B4GALT6: variants seen among roughly 807,000 people sequenced by gnomAD.
B4GALT6 encodes UDP-Gal:beta-GlcNAc beta-1,4-galactosyltransferase 6.
In B4GALT6, 14 loss-of-function variants were observed where a neutral mutation model predicts 46.3. The ratio of observed to expected loss-of-function variants is 0.30; its 90% confidence interval spans 0.20 to 0.47. The LOEUF is 0.47. Ranked by LOEUF, B4GALT6 falls within the 20% of genes least tolerant of loss-of-function variation. The probability of loss-of-function intolerance (pLI) is 0.99; values close to 1 mark genes in which losing one functional copy is unlikely to be tolerated. For synonymous variants in B4GALT6, 168 were observed against 162.0 expected (o/e 1.04, Z -0.28); for missense variants, 386 against 480.1 (o/e 0.80, Z 1.83).
At chr18:31,687,685 CTAAGTTTATTACCACCAAG>C (rs1429882631), upstream of B4GALT6, among the ~76,000 whole-genome samples, 1 of 152,128 alleles carries the variant, frequency 6.6e-6, no homozygotes, top group Non-Finnish European at 1.5e-5. Context: ...TGGCTTTGTT[CTAAGTTTATTACCACCAAG>C]TATTCCTTTT....
At chr18:31,694,391 A>T in the B4GALT6 span, among the ~76,000 whole-genome samples, 3 of 152,216 alleles carry the variant, frequency 2.0e-5, no homozygotes, top group Non-Finnish European at 4.4e-5. Flanking sequence ...ATTAAGCACA[A>T]CACTTCTTTC....
chr18:31,625,751 G>A lies in B4GALT6; in HGVS notation c.1012C>T (p.Leu338=), dbSNP rs780676222. Residue 338 remains leucine, a synonymous_variant, in exon 9 of 9, where the codon CTA becomes TTA. Coordinates refer to ENST00000306851, the MANE Select transcript of B4GALT6 (RefSeq NM_004775.5). ...TACTGACGCTCCTTGGAATACCTTA[G>A]TAATTTATACCTATAGTTTTAGAGG... ...EVQFLGRYKL[L]RYSKERQYID... is the part of the protein sequence containing the mutation. The A allele has an allele frequency of 8.2e-6, 13 of 1,590,032 alleles. No homozygotes were observed. The highest frequency in any genetic ancestry group is 1.4e-5 in the African/African-American group (1 of 72,978).
At chr18:31,637,437 C>G (rs1288086363) in intron 5 of B4GALT6, among the ~76,000 whole-genome samples, 1 of 145,938 alleles carries the variant, frequency 6.9e-6, no homozygotes, top group Non-Finnish European at 1.5e-5. Flanking sequence ...TGCATATTTA[C>G]TTACCAACTG....
chr18:31,716,961 G>C, the B4GALT6 span, among the ~76,000 whole-genome samples: 1 of 151,938 alleles, frequency 6.6e-6, no homozygotes, highest in Non-Finnish European at 1.5e-5. Flanking sequence ...TTAGCCGAGC[G>C]TGTGGTGGGC....
intron 2 of B4GALT6, among the ~76,000 whole-genome samples, chr18:31,660,629 TAA>T (rs2074201696): frequency 6.6e-6 from 1 of 151,378 alleles, no homozygotes; most frequent in Non-Finnish European, 1.5e-5. Context: ...AGCATTGTAG[TAA>T]AGTCAGAGCA....
intron 2 of B4GALT6, among the ~76,000 whole-genome samples, chr18:31,658,962 C>T (rs2074177694): frequency 6.6e-6 from 1 of 152,164 alleles, no homozygotes; most frequent in African/African-American, 2.4e-5. Flanking sequence ...AGAGAGATCA[C>T]ATTTCAGTCC....
the B4GALT6 span, among the ~76,000 whole-genome samples, chr18:31,707,002 G>A: frequency 6.6e-6 from 1 of 152,084 alleles, no homozygotes; most frequent in East Asian, 1.9e-4. Context: ...GGGGTGGGAG[G>A]TGTAAACGCC....
upstream of B4GALT6, among the ~76,000 whole-genome samples, chr18:31,689,628 C>A (rs1053551306): frequency 1.3e-5 from 2 of 152,042 alleles, no homozygotes; most frequent in Non-Finnish European, 2.9e-5. Flanking sequence ...CCTGTAGTCC[C>A]AGCTACTAGG....
chr18:31,688,304 T>G (rs1487568089), upstream of B4GALT6, among the ~76,000 whole-genome samples: 1 of 150,064 alleles, frequency 6.7e-6, no homozygotes, highest in Non-Finnish European at 1.5e-5. Flanking sequence ...CAAAATGTTG[T>G]GGTACAGATA....
At chr18:31,697,481 G>A in the B4GALT6 span, among the ~76,000 whole-genome samples, 1 of 151,734 alleles carries the variant, frequency 6.6e-6, no homozygotes, top group Non-Finnish European at 1.5e-5. Context: ...GGTGGGTTGA[G>A]AAACTCTGTC....
At chr18:31,662,010 G>A (rs536632991) in intron 2 of B4GALT6, among the ~76,000 whole-genome samples, 13 of 152,242 alleles carry the variant, frequency 8.5e-5, no homozygotes, top group African/African-American at 1.2e-4. Context: ...AGAAGTGCTC[G>A]GCTCTCTAGA....
At chr18:31,634,423 C>A (rs1318351970) in intron 5 of B4GALT6, among the ~76,000 whole-genome samples, 1 of 152,230 alleles carries the variant, frequency 6.6e-6, no homozygotes, top group Non-Finnish European at 1.5e-5. Context: ...TGTGACAGCA[C>A]TGAGACAGAG....
At chr18:31,715,537 C>CTTTTTTTTTTTTTTTT in the B4GALT6 span, among the ~76,000 whole-genome samples, 4 of 49,628 alleles carry the variant, frequency 8.1e-5, no homozygotes, top group Non-Finnish European at 1.0e-4. Flanking sequence ...CTGGAACTGT[C>CTTTTTTTTTTTTTTTT]TTTTTTTTTT....
At chr18:31,691,292 C>CATATATATATATAT in the B4GALT6 span, among the ~76,000 whole-genome samples, 1 of 117,432 alleles carries the variant, frequency 8.5e-6, no homozygotes, top group Non-Finnish European at 1.6e-5. Flanking sequence ...CATAATTTTA[C>CATATATATATATAT]ATATATATAT....
chr18:31,708,325 G>A, the B4GALT6 span, among the ~76,000 whole-genome samples: 2 of 152,200 alleles, frequency 1.3e-5, no homozygotes, highest in Non-Finnish European at 2.9e-5. Context: ...AGCACTTTGG[G>A]AGGCCAAGGC....
At chr18:31,691,008 A>T in the B4GALT6 span, among the ~76,000 whole-genome samples, 1 of 151,868 alleles carries the variant, frequency 6.6e-6, no homozygotes, top group Non-Finnish European at 1.5e-5. Flanking sequence ...GGGCAAGGGG[A>T]GGGAGAGCAT....
At chr18:31,682,658 T>C (rs939359853) in intron 1 of B4GALT6, among the ~76,000 whole-genome samples, 1 of 152,220 alleles carries the variant, frequency 6.6e-6, no homozygotes, top group Non-Finnish European at 1.5e-5. Flanking sequence ...GTTAGCTTTT[T>C]GAGTAATATA....
At chr18:31,680,079 G>A (rs944527184) in intron 1 of B4GALT6, among the ~76,000 whole-genome samples, 1 of 152,164 alleles carries the variant, frequency 6.6e-6, no homozygotes, top group Admixed American at 6.5e-5. Flanking sequence ...AGTAAGGGAG[G>A]CCCAGAAAAA....
Position 31,650,857 on chromosome 18 carries a change from C to T in B4GALT6, c.347-5378G>A, listed in dbSNP as rs937786549. Among the ~76,000 whole-genome samples the T allele has an allele frequency of 9.2e-5, 14 of 152,178 alleles. No individual in the cohort carries two copies. The East Asian group carries it at 2.7e-3, about 29-fold the overall frequency. ...CATCTCGGCTCACTACAAGCTCCGC[C>T]TCCCGGGTTCACACCATTCTCCTGC... On this transcript the variant is annotated intron_variant, in intron 3 of 8. Coordinates refer to ENST00000306851, the MANE Select transcript of B4GALT6 (RefSeq NM_004775.5).
Sources: allele counts gnomAD v4.1 joint callset (sites outside exome capture counted in the v4.1 genomes callset), GRCh38; gene constraint gnomAD v4.1.1; transcripts MANE v1.5; gene names NCBI Gene and HGNC (gene_info 2026-07-23, HGNC 2026-07-21).